TRAPPC9: variants seen among roughly 807,000 people sequenced by gnomAD.
TRAPPC9 encodes trafficking protein particle complex subunit 9.
In TRAPPC9, 83 loss-of-function variants were observed where a neutral mutation model predicts 124.0. The ratio of observed to expected loss-of-function variants is 0.67; its 90% CI spans 0.56 to 0.80. TRAPPC9 has a LOEUF of 0.80. Ranked by LOEUF, TRAPPC9 falls within the 30% of genes least tolerant of loss-of-function variation. The pLI is 0.00. For synonymous variants in TRAPPC9, 638 were observed against 617.5 expected, an observed-to-expected ratio of 1.03 and a Z score of -0.49; for missense variants, 1,302 against 1,508.3, an observed-to-expected ratio of 0.86 and a Z score of 2.27.
intron 21 of TRAPPC9, among the ~76,000 whole-genome samples, chr8:139,861,345 C>T (rs375655816): frequency 3.9e-5 from 6 of 152,082 alleles, no homozygotes; most frequent in South Asian, 2.1e-4. Context: ...TAAAGAGAGC[C>T]GGGGTATGAG....
At chr8:140,127,471 G>A (rs937123938) in intron 17 of TRAPPC9, among the ~76,000 whole-genome samples, 1 of 152,176 alleles carries the variant, frequency 6.6e-6, no homozygotes, top group African/African-American at 2.4e-5. Context: ...GCATCTTGAG[G>A]ACAGTGGCCA....
At chr8:140,153,083 C>T (rs566416628) in intron 17 of TRAPPC9, among the ~76,000 whole-genome samples, 2 of 152,252 alleles carry the variant, frequency 1.3e-5, no homozygotes, top group South Asian at 4.1e-4. Flanking sequence ...CTGTTTCCTG[C>T]TGATTTGTAT....
intron 7 of TRAPPC9, among the ~76,000 whole-genome samples, chr8:140,395,530 T>G (rs2069065197): frequency 6.6e-6 from 1 of 152,220 alleles, no homozygotes; most frequent in Admixed American, 6.5e-5. Context: ...ACTATGGCTA[T>G]AAACATTATA....
At chr8:140,446,711 C>A (rs1287731655) in intron 2 of TRAPPC9, among the ~76,000 whole-genome samples, 1 of 152,142 alleles carries the variant, frequency 6.6e-6, no homozygotes, top group African/African-American at 2.4e-5. Context: ...CATGACACCA[C>A]GCCCGGCTAA....
At chr8:140,359,856 G>A (rs1416337025) in intron 9 of TRAPPC9, among the ~76,000 whole-genome samples, 194 bp downstream of exon 9, 1 of 152,126 alleles carries the variant, frequency 6.6e-6, no homozygotes, top group Admixed American at 6.5e-5. Flanking sequence ...GGGAGGAGGT[G>A]GCACAGGTGT....
chr8:140,355,980 T>C (rs562843460), intron 9 of TRAPPC9, among the ~76,000 whole-genome samples: 20 of 152,216 alleles, frequency 1.3e-4, no homozygotes, highest in Non-Finnish European at 2.5e-4. Flanking sequence ...CTTAAAAATA[T>C]AAACAGGATA....
At chr8:139,912,685 A>G (rs778044601) in intron 19 of TRAPPC9, among the ~76,000 whole-genome samples, 1 of 152,210 alleles carries the variant, frequency 6.6e-6, no homozygotes, top group African/African-American at 2.4e-5. Context: ...GCAAAATGCC[A>G]CTTCACTGAT....
intron 5 of TRAPPC9, among the ~76,000 whole-genome samples, chr8:140,416,117 A>G (rs1167844013): frequency 6.6e-6 from 1 of 152,228 alleles, no homozygotes; most frequent in Non-Finnish European, 1.5e-5. Flanking sequence ...AACAAAAACC[A>G]AAGTTCATTC....
At chr8:140,311,614 C>T (rs1369759076) in intron 9 of TRAPPC9, among the ~76,000 whole-genome samples, 1 of 152,140 alleles carries the variant, frequency 6.6e-6, no homozygotes, top group African/African-American at 2.4e-5. Context: ...TAGTATCCTC[C>T]AGGAGACTTC....
intron 19 of TRAPPC9, among the ~76,000 whole-genome samples, chr8:139,978,448 T>G (rs1049600255): frequency 6.6e-6 from 1 of 152,226 alleles, no homozygotes; most frequent in Non-Finnish European, 1.5e-5. Flanking sequence ...AATGAAGTAT[T>G]GTGACATTTA....
At chr8:139,852,383 C>G (rs1385633853) in intron 21 of TRAPPC9, among the ~76,000 whole-genome samples, 1 of 152,188 alleles carries the variant, frequency 6.6e-6, no homozygotes, top group African/African-American at 2.4e-5. Context: ...ATTTCTGGTA[C>G]CGGATCATGA....
intron 17 of TRAPPC9, among the ~76,000 whole-genome samples, chr8:140,135,711 C>T (rs1288789139): frequency 6.6e-6 from 1 of 152,180 alleles, no homozygotes; most frequent in Non-Finnish European, 1.5e-5. Flanking sequence ...GAAGTGGTGG[C>T]AAGAGTTGCA....
At chr8:140,226,158 A>T (rs2063445756) in intron 16 of TRAPPC9, among the ~76,000 whole-genome samples, 1 of 152,172 alleles carries the variant, frequency 6.6e-6, no homozygotes, top group African/African-American at 2.4e-5. Context: ...GCCAGAGATG[A>T]AAACATCCCA....
intron 17 of TRAPPC9, among the ~76,000 whole-genome samples, chr8:140,140,426 G>GT (rs1022624911): frequency 2.6e-5 from 4 of 151,906 alleles, no homozygotes; most frequent in African/African-American, 9.7e-5. Context: ...TTTTCGGTGG[G>GT]TTTTTTTGTT....
At chr8:140,297,875 G>A (rs2131809304) in intron 11 of TRAPPC9, among the ~76,000 whole-genome samples, 1 of 152,358 alleles carries the variant, frequency 6.6e-6, no homozygotes, top group South Asian at 2.1e-4. Flanking sequence ...AGCCGAGGGT[G>A]AGGACTGTGA....
chr8:140,390,915 C>T (rs940899269), intron 7 of TRAPPC9, among the ~76,000 whole-genome samples: 47 of 152,224 alleles, frequency 3.1e-4, no homozygotes. Flanking sequence ...TGAACTGTTT[C>T]AGCCATAGCT....
At chr8:140,166,134 G>T (rs1052543759) in intron 17 of TRAPPC9, among the ~76,000 whole-genome samples, 1 of 152,168 alleles carries the variant, frequency 6.6e-6, no homozygotes, top group African/African-American at 2.4e-5. Context: ...CACTCATCAT[G>T]ATGCCCAAAA....
chr8:139,796,605 A>C (rs1434195125), intron 21 of TRAPPC9, among the ~76,000 whole-genome samples: 2 of 152,260 alleles, frequency 1.3e-5, no homozygotes, highest in Non-Finnish European at 2.9e-5. Context: ...TTCAGAGCTG[A>C]ATAATATTCC....
chr8:140,004,903 C>T (rs1206669592), intron 18 of TRAPPC9, among the ~76,000 whole-genome samples: 1 of 152,182 alleles, frequency 6.6e-6, no homozygotes, highest in African/African-American at 2.4e-5. Flanking sequence ...GATGGCCACC[C>T]ACACCTTTGG....
Sources: gnomAD v4.1 joint callset for allele counts (sites outside exome capture counted in the v4.1 genomes callset) on GRCh38, gnomAD v4.1.1 for gene constraint, MANE v1.5 for transcripts, NCBI Gene and HGNC (gene_info 2026-07-23, HGNC 2026-07-21) for gene names.